Variants in ZNF695 observed in about 807,000 individuals in gnomAD.
The protein encoded by ZNF695 is zinc finger protein 695.
In ZNF695, 11 loss-of-function variants were observed where a neutral mutation model predicts 11.2. The ratio of observed to expected loss-of-function variants is 0.98; its 90% CI spans 0.62 to 1.62. The LOEUF is 1.62. Ranked by LOEUF, ZNF695 falls within the 40% of genes most tolerant of loss-of-function variation. The pLI is 0.00. For missense variants in ZNF695, 559 were observed against 590.5 expected (o/e 0.95, Z 0.55); for synonymous variants, 190 against 201.4 (o/e 0.94, Z 0.48).
intron 5 of ZNF695, among the ~76,000 whole-genome samples, chr1:246,962,417 G>A (rs1051467131): frequency 1.3e-5 from 2 of 152,186 alleles, no homozygotes; most frequent in African/African-American, 4.8e-5. Flanking sequence ...CTCTTGCTCT[G>A]CCTCATACCT....
intron 1 of ZNF695, among the ~76,000 whole-genome samples, chr1:247,005,558 CA>C (rs1669506602): frequency 6.6e-6 from 1 of 151,924 alleles, no homozygotes; most frequent in East Asian, 1.9e-4. Context: ...TATTAAAATA[CA>C]AAAGTTAGCT....
Position 246,987,840 on chromosome 1 carries a change from T to C in ZNF695, c.675A>G (p.Ser225=), listed in dbSNP as rs771338736. The C allele has an allele frequency of 8.1e-6, 13 of 1,611,588 alleles. No homozygotes were observed. The Admixed American group carries it at 2.0e-4, about 25-fold the overall frequency. ...KKCGKAFNEC[S]CFTDCKRIHV... is the part of the protein sequence containing the mutation. ...GAATTCTCTTACAGTCAGTAAAGCA[T>C]GAGCACTCATTAAAGGCTTTGCCAC... Residue 225 remains serine (S), a synonymous_variant, in exon 4 of 4, where the codon TCA becomes TCG. Transcript: ENST00000339986.
chr1:246,971,385 C>G (rs1668420341), intron 4 of ZNF695, among the ~76,000 whole-genome samples: 1 of 152,218 alleles, frequency 6.6e-6, no homozygotes, highest in Admixed American at 6.5e-5. Context: ...ACGGTCAGGC[C>G]TCCGGATAGC....
At chr1:246,983,337 A>G (rs541141827), downstream of ZNF695, among the ~76,000 whole-genome samples, 1 of 152,016 alleles carries the variant, frequency 6.6e-6, no homozygotes, top group East Asian at 1.9e-4. Context: ...TGGAAAACAC[A>G]GTGAGACTTC....
At chr1:246,976,656 T>G (rs1005425930) in intron 4 of ZNF695, among the ~76,000 whole-genome samples, 13 of 151,818 alleles carry the variant, frequency 8.6e-5, no homozygotes, top group Non-Finnish European at 4.4e-5. Context: ...TAGCCAGGCA[T>G]GGTGGCGGGC....
chr1:246,958,760 A>G (rs557168971), intron 5 of ZNF695, among the ~76,000 whole-genome samples: 23 of 152,304 alleles, frequency 1.5e-4, no homozygotes, highest in African/African-American at 4.3e-4. Context: ...GATGTAACGC[A>G]TGATTGTTGT....
rs374353960 is a variant in ZNF695, at chr1:246,991,585, C to T, written c.260-3330G>A. 2.6e-4 allele frequency among the ~76,000 whole-genome samples: 40 copies of T among 152,236 alleles called. No individual in the cohort carries two copies. In the East Asian group the frequency reaches 4.8e-3, roughly 18 times the overall value. On this transcript the variant is annotated intron_variant, in intron 3 of 3. Coordinates refer to ENST00000339986, the MANE Select transcript of ZNF695 (RefSeq NM_020394.5). Reference sequence around the variant, plus strand: ...AAAACTACAATGAGATATCATCTCACCCCAGTTAAAATCACTTATATCCAA... The same window carrying T: ...AAAACTACAATGAGATATCATCTCATCCCAGTTAAAATCACTTATATCCAA...
chr1:246,967,532 T>G, intron 5 of ZNF695: 1 of 445,878 alleles, frequency 2.2e-6, no homozygotes, highest in South Asian at 1.6e-5. Context: ...ACTCTAAGGA[T>G]GAAGTTGCCA....
At chr1:246,967,588 G>A (rs1213791916) in intron 5 of ZNF695, 1 of 398,966 alleles carries the variant, frequency 2.5e-6, no homozygotes, top group Admixed American at 2.9e-5. Context: ...TTCAGGGGAA[G>A]ATCAGGAGTT....
chr1:247,006,697 T>C (rs745918105), intron 1 of ZNF695, among the ~76,000 whole-genome samples: 12 of 152,184 alleles, frequency 7.9e-5, no homozygotes, highest in Non-Finnish European at 1.6e-4. Flanking sequence ...TTTGGGAATG[T>C]AGAAAAGAAA....
chr1:246,977,310 G>A (rs1042236114), intron 4 of ZNF695, among the ~76,000 whole-genome samples: 1 of 152,232 alleles, frequency 6.6e-6, no homozygotes, highest in East Asian at 1.9e-4. Context: ...AGGCTGGAGT[G>A]CAGTGGTGTG....
intron 5 of ZNF695, among the ~76,000 whole-genome samples, chr1:246,954,891 T>C (rs1667949940): frequency 1.3e-5 from 2 of 152,162 alleles, no homozygotes; most frequent in African/African-American, 4.8e-5. Context: ...CAAATCTATA[T>C]AGTATAGCCT....
At chr1:246,982,494 T>C (rs1480654089), downstream of ZNF695, among the ~76,000 whole-genome samples, 1 of 152,200 alleles carries the variant, frequency 6.6e-6, no homozygotes, top group Non-Finnish European at 1.5e-5. Flanking sequence ...AATTCTGACA[T>C]GTTTATTTAC....
downstream of ZNF695, among the ~76,000 whole-genome samples, chr1:246,980,689 A>G (rs1668685422): frequency 6.6e-6 from 1 of 152,136 alleles, no homozygotes; most frequent in South Asian, 2.1e-4. Context: ...ATGTGCTGGG[A>G]TTACAGGAGT....
intron 1 of ZNF695, among the ~76,000 whole-genome samples, chr1:247,005,055 T>C (rs1572538496): frequency 6.6e-6 from 1 of 152,174 alleles, no homozygotes; most frequent in Middle Eastern, 3.2e-3. Context: ...AAAATACCAA[T>C]GACATTCTTC....
At chr1:247,003,610 G>C (rs1669452585) in intron 1 of ZNF695, among the ~76,000 whole-genome samples, 1 of 151,976 alleles carries the variant, frequency 6.6e-6, no homozygotes, top group Non-Finnish European at 1.5e-5. Flanking sequence ...CATTGGAAAA[G>C]AAAAAATAAA....
At chr1:247,000,591 C>A (rs1310784608) in intron 1 of ZNF695, among the ~76,000 whole-genome samples, 1 of 152,132 alleles carries the variant, frequency 6.6e-6, no homozygotes, top group East Asian at 1.9e-4. Flanking sequence ...GGCTTAAGAT[C>A]CATGAAACCA....
downstream of ZNF695, among the ~76,000 whole-genome samples, chr1:246,980,477 C>T (rs12030877): frequency 0.53 from 78,953 of 148,618 alleles, 24,852 homozygotes; most frequent in East Asian, 0.97. Context: ...AGTGCAGTGG[C>T]GCGATCTCAG....
In ZNF695 at chr1:246,988,243, TAAG is replaced by T; in HGVS notation, c.269_271del (p.Ser90del). On this transcript the variant is annotated inframe_deletion, in exon 4 of 4. Coordinates refer to ENST00000339986, the MANE Select transcript of ZNF695 (RefSeq NM_020394.5). ...CTCTGGCAAAATGTCTTCAGTAAGATAAGAAGACAAAACTGGAAAAAATAAAAA... is the reference window on the plus strand; with the variant it reads ...CTCTGGCAAAATGTCTTCAGTAAGATAAGACAAAACTGGAAAAAATAAAAA... 1 of 1,556,644 alleles carries T rather than the reference TAAG, an allele frequency of 6.4e-7. No homozygotes were observed. Among genetic ancestry groups the T allele is most frequent in the Non-Finnish European group, 8.6e-7 (1 of 1,156,544 alleles).
Sources: gnomAD v4.1 joint callset for allele counts (sites outside exome capture counted in the v4.1 genomes callset) on GRCh38, gnomAD v4.1.1 for gene constraint, MANE v1.5 for transcripts, NCBI Gene and HGNC (gene_info 2026-07-23, HGNC 2026-07-21) for gene names.